Variants in DLG2 observed in about 807,000 individuals in gnomAD.
DLG2 encodes the protein discs large MAGUK scaffold protein 2, also known as disks large homolog 2.
A neutral mutation model predicts 132.5 loss-of-function variants in DLG2; 45 were observed. That is an observed-to-expected ratio of 0.34 (90% confidence interval 0.27 to 0.44). The LOEUF is 0.44. DLG2 is among the 20% of genes least tolerant of loss of function. The pLI is 1.00. For synonymous variants in DLG2, 424 were observed against 419.6 expected, an observed-to-expected ratio of 1.01 and a Z score of -0.13; for missense variants, 1,045 against 1,196.9, an observed-to-expected ratio of 0.87 and a Z score of 1.87.
chr11:84,309,342 A>C (rs2098264660), intron 7 of DLG2, among the ~76,000 whole-genome samples: 1 of 152,254 alleles, frequency 6.6e-6, no homozygotes, highest in Non-Finnish European at 1.5e-5. Context: ...AATTATCAAT[A>C]AATTGCATGC....
intron 4 of DLG2, among the ~76,000 whole-genome samples, chr11:85,276,118 C>T (rs1008212338): frequency 1.3e-5 from 2 of 152,140 alleles, no homozygotes; most frequent in Non-Finnish European, 2.9e-5. Context: ...TTTACTGTTA[C>T]ATTCTGATTA....
chr11:84,625,662 T>A (rs1032686338), intron 6 of DLG2, among the ~76,000 whole-genome samples: 7 of 152,278 alleles, frequency 4.6e-5, no homozygotes, highest in African/African-American at 1.7e-4. Context: ...TTACCCTTAT[T>A]CAAGATCCAA....
At chr11:83,849,336 TAATAAAC>T (rs1407419927) in intron 16 of DLG2, among the ~76,000 whole-genome samples, 4 of 148,074 alleles carry the variant, frequency 2.7e-5, no homozygotes, top group Non-Finnish European at 6.0e-5. Flanking sequence ...AATTAATAAA[TAATAAAC>T]AAATAAAAAA....
chr11:85,561,372 C>CTT (rs990880038), intron 3 of DLG2, among the ~76,000 whole-genome samples: 1 of 96,884 alleles, frequency 1.0e-5, no homozygotes, highest in African/African-American at 3.8e-5. Context: ...AAAAAAATAG[C>CTT]TGTGTAAACT....
In DLG2 at chr11:84,546,393, C is replaced by G. The variant is rs544181655; in HGVS notation, c.358-11662G>C. On this transcript the variant is annotated intron_variant, in intron 6 of 27. Transcript: ENST00000376104. ...TCCCCGGAAGCCCAACAGAGGCCAG[C>G]ATCATGCTTCTGGCACAGACTGAAA... The G allele has an allele frequency of 1.6e-3, 321 of 205,596 alleles. 2 individuals are homozygous for G. The highest frequency in any genetic ancestry group is 7.1e-3 in the African/African-American group (308 of 43,322). The allele number at this position is 205,596 out of a possible 1,614,324, so 12.7% of individuals were successfully genotyped here. A position where few individuals can be genotyped will look rare whatever the true frequency, so the allele number is the denominator to read the frequency against.
At chr11:85,006,896 T>A (rs935442658) in intron 6 of DLG2, among the ~76,000 whole-genome samples, 4 of 152,134 alleles carry the variant, frequency 2.6e-5, no homozygotes, top group African/African-American at 4.8e-5. Context: ...TAAATATATT[T>A]CTATTTTCAT....
Position 84,255,588 on chromosome 11 carries a change from G to A in DLG2, c.520-4297C>T, listed in dbSNP as rs563514544. On this transcript the variant is annotated intron_variant, in intron 7 of 27. Transcript: ENST00000376104. Reference sequence around the variant, plus strand: ...ATCCACACGCCTCGGCCCCCAAAGCGCTGGGAGTACAGGTGTGAGCCACCA... The same window carrying A: ...ATCCACACGCCTCGGCCCCCAAAGCACTGGGAGTACAGGTGTGAGCCACCA... Among the ~76,000 whole-genome samples, 13 of 152,184 alleles carry A rather than the reference G, an allele frequency of 8.5e-5. No individual in the cohort carries two copies. The East Asian group carries it at 1.9e-3, about 23-fold the overall frequency.
chr11:84,753,510 T>C (rs1408897170), intron 6 of DLG2, among the ~76,000 whole-genome samples: 1 of 152,128 alleles, frequency 6.6e-6, no homozygotes, highest in Non-Finnish European at 1.5e-5. Flanking sequence ...CAGTCAAAGA[T>C]TAATTTATGT....
chr11:84,354,011 C>A (rs1348127147), intron 7 of DLG2, among the ~76,000 whole-genome samples: 2 of 152,190 alleles, frequency 1.3e-5, no homozygotes, highest in East Asian at 1.9e-4. Context: ...GCTCAAATAA[C>A]CTCTAGGAGG....
chr11:85,020,430 G>T (rs1334870233), intron 6 of DLG2, among the ~76,000 whole-genome samples: 1 of 152,122 alleles, frequency 6.6e-6, no homozygotes, highest in Non-Finnish European at 1.5e-5. Context: ...TCACTCTAAT[G>T]GTGGTTTCTT....
chr11:84,710,743 C>A (rs993538805), intron 6 of DLG2, among the ~76,000 whole-genome samples: 1 of 151,116 alleles, frequency 6.6e-6, no homozygotes, highest in Non-Finnish European at 1.5e-5. Context: ...AAAAAAACTT[C>A]AATAAAGATA....
intron 13 of DLG2, among the ~76,000 whole-genome samples, chr11:83,963,418 G>T (rs2089372390): frequency 6.6e-6 from 1 of 151,894 alleles, no homozygotes; most frequent in South Asian, 2.1e-4. Context: ...GCCTCCTAAG[G>T]ATCAGGTTCT....
chr11:84,779,006 C>T (rs1448337472), intron 6 of DLG2, among the ~76,000 whole-genome samples: 2 of 152,168 alleles, frequency 1.3e-5, no homozygotes, highest in Non-Finnish European at 2.9e-5. Context: ...CAGGGGCTCT[C>T]AGGCCTTCAG....
In DLG2 at chr11:84,853,299, CT is replaced by C. The variant is rs1311321697; in HGVS notation, c.357+258361del. On this transcript the variant is annotated intron_variant, in intron 6 of 27. Coordinates refer to ENST00000376104, the MANE Select transcript of DLG2 (RefSeq NM_001142699.3). ...AACGTGACCCAGTGAACATCAGGGT[CT>C]TTTATACTAAAGAGATAATATAACG... 2.0e-5 allele frequency among the ~76,000 whole-genome samples: 3 copies of C among 151,988 alleles called. 1 individual carries two copies. Among genetic ancestry groups the C allele is most frequent in the African/African-American group, 7.2e-5 (3 of 41,502 alleles).
At chr11:83,954,523 T>C (rs908402678) in intron 14 of DLG2, among the ~76,000 whole-genome samples, 5 of 152,206 alleles carry the variant, frequency 3.3e-5, no homozygotes, top group African/African-American at 1.2e-4. Flanking sequence ...CCAGTCTCTA[T>C]GTTGGAGAAA....
intron 3 of DLG2, among the ~76,000 whole-genome samples, chr11:85,507,423 C>T (rs1419199716): frequency 1.3e-5 from 2 of 152,140 alleles, no homozygotes; most frequent in Non-Finnish European, 2.9e-5. Context: ...CAAAATCTCT[C>T]AGCATTTGCT....
At chr11:83,672,420 G>A (rs946550318) in intron 18 of DLG2, among the ~76,000 whole-genome samples, 14 of 152,012 alleles carry the variant, frequency 9.2e-5, no homozygotes, top group Admixed American at 1.3e-4. Context: ...CAGGTGATCC[G>A]CCCACCTTGG....
chr11:85,144,440 G>C (rs999798149), intron 5 of DLG2, among the ~76,000 whole-genome samples: 7 of 149,912 alleles, frequency 4.7e-5, no homozygotes, highest in African/African-American at 1.7e-4. Flanking sequence ...TGATAGGTAA[G>C]AACTTACTCC....
chr11:83,632,985 A>T (rs2063832272), intron 19 of DLG2: 1 of 508,796 alleles, frequency 2.0e-6, no homozygotes, highest in Admixed American at 3.3e-5. Flanking sequence ...ATCCTGAATC[A>T]TAACTTTGCC....
Sources: allele counts gnomAD v4.1 joint callset (sites outside exome capture counted in the v4.1 genomes callset), GRCh38; gene constraint gnomAD v4.1.1; transcripts MANE v1.5; gene names NCBI Gene and HGNC (gene_info 2026-07-23, HGNC 2026-07-21).